ACOT7: variants seen among roughly 807,000 people sequenced by gnomAD.
The protein encoded by ACOT7 is cytosolic acyl coenzyme A thioester hydrolase.
ACOT7 carries 12 observed loss-of-function variants against 40.2 expected under a neutral mutation model. The observed-to-expected ratio is 0.30, with a 90% CI of 0.19 to 0.48. The LOEUF (loss-of-function observed/expected upper bound fraction) is 0.48, where lower values mean the gene tolerates loss of function less well. Ranked by LOEUF, ACOT7 falls within the 20% of genes least tolerant of loss-of-function variation. The pLI is 0.99. For missense variants in ACOT7, 395 were observed against 530.8 expected, an observed-to-expected ratio of 0.74 and a Z score of 2.51; for synonymous variants, 228 against 219.5, an observed-to-expected ratio of 1.04 and a Z score of -0.34.
intron 7 of ACOT7, among the ~76,000 whole-genome samples, chr1:6,290,418 G>A (rs1443716328): frequency 6.6e-6 from 1 of 152,148 alleles, no homozygotes; most frequent in Admixed American, 6.5e-5. Context: ...CCTCCCAGGG[G>A]GACCAGTGGC....
At chr1:6,331,027 C>T (rs941433303) in intron 4 of ACOT7, among the ~76,000 whole-genome samples, 4 of 152,144 alleles carry the variant, frequency 2.6e-5, no homozygotes, top group Admixed American at 6.5e-5. Flanking sequence ...TGCAATTCTG[C>T]GGAGAACAGC....
intron 1 of ACOT7, among the ~76,000 whole-genome samples, chr1:6,362,087 G>A (rs1259363771): frequency 6.6e-6 from 1 of 152,174 alleles, no homozygotes; most frequent in Admixed American, 6.5e-5. Context: ...TACTTTTCTG[G>A]GGAAAAGACC....
chr1:6,328,297 G>C (rs1286071138), intron 4 of ACOT7, among the ~76,000 whole-genome samples: 1 of 152,152 alleles, frequency 6.6e-6, no homozygotes, highest in Non-Finnish European at 1.5e-5. Context: ...AGATGGAACT[G>C]TCCTCCCACG....
Position 6,385,753 on chromosome 1 carries a change from A to C in ACOT7, c.143+7504T>G. On this transcript the variant is annotated intron_variant, in intron 1 of 8. Transcript: ENST00000361521. The stretch of plus-strand genomic sequence containing the variant: ...CCTGTGTCTGCCTGGCCGGCTCAGC[A>C]GTGAGCCGGTGTGATCCCTCCCTGA... 2.0e-6 allele frequency: 3 copies of C among 1,502,594 alleles called. No individual in the cohort carries two copies. In the South Asian group the frequency reaches 3.9e-5, roughly 20 times the overall value. The allele number at this position is 1,502,594 out of a possible 1,614,324, so 93.1% of individuals were successfully genotyped here. A position where few individuals can be genotyped will look rare whatever the true frequency, so the allele number is the denominator to read the frequency against.
At chr1:6,333,963 T>C (rs1400074958) in intron 3 of ACOT7, among the ~76,000 whole-genome samples, 1 of 152,150 alleles carries the variant, frequency 6.6e-6, no homozygotes, top group Non-Finnish European at 1.5e-5. Context: ...ACCACGTGGT[T>C]TAAGCCTGGA....
At chr1:6,267,747 T>C (rs1442521786) in intron 8 of ACOT7, among the ~76,000 whole-genome samples, 2 of 152,224 alleles carry the variant, frequency 1.3e-5, no homozygotes. Flanking sequence ...AGGCAGAGGC[T>C]TGCCCACCTT....
intron 8 of ACOT7, among the ~76,000 whole-genome samples, chr1:6,268,608 T>C (rs1308836066): frequency 6.6e-6 from 1 of 152,178 alleles, no homozygotes; most frequent in East Asian, 1.9e-4. Flanking sequence ...CGCTAAGAGC[T>C]AACTCAGGAC....
chr1:6,281,741 G>A (rs984001904), intron 7 of ACOT7, among the ~76,000 whole-genome samples: 1 of 152,180 alleles, frequency 6.6e-6, no homozygotes, highest in Non-Finnish European at 1.5e-5. Context: ...CGGAGCCACA[G>A]CTGCCCCACT....
At chr1:6,383,107 G>T (rs1315284557) in intron 1 of ACOT7, among the ~76,000 whole-genome samples, 1 of 151,400 alleles carries the variant, frequency 6.6e-6, no homozygotes, top group African/African-American at 2.4e-5. Flanking sequence ...TCCAACTCCT[G>T]ACCTCAGGTG....
In ACOT7 at chr1:6,358,018, C is replaced by T. The variant is rs1641795658; in HGVS notation, c.144-8152G>A. Among the ~76,000 whole-genome samples, 1 of 152,052 alleles carries T rather than the reference C, an allele frequency of 6.6e-6. No homozygotes were observed. The highest frequency in any genetic ancestry group is 1.5e-5 in the Non-Finnish European group (1 of 68,028). On this transcript the variant is annotated intron_variant, in intron 1 of 8. Transcript: ENST00000361521. The surrounding 1 kb of genome is among the most constrained non-coding windows in gnomAD (Gnocchi z 4.1). Reference sequence around the variant, plus strand: ...AGTAGCTGGGATTACAGGTGCGTGCCACCATGCCTGGCTAATTTTTGTATT... The same window carrying T: ...AGTAGCTGGGATTACAGGTGCGTGCTACCATGCCTGGCTAATTTTTGTATT...
At chr1:6,360,669 C>T (rs1411029989) in intron 1 of ACOT7, 2 of 1,614,106 alleles carry the variant, frequency 1.2e-6, no homozygotes, top group Admixed American at 1.7e-5. Flanking sequence ...CCCACGTCTC[C>T]TGTCGGCTCC....
chr1:6,322,728 T>C (rs1199028561), intron 5 of ACOT7, among the ~76,000 whole-genome samples: 7 of 152,382 alleles, frequency 4.6e-5, no homozygotes, highest in Non-Finnish European at 2.9e-5. Flanking sequence ...TTAAAGACTC[T>C]TTCTTTACAT....
chr1:6,381,576 C>T (rs1222279169), intron 1 of ACOT7, among the ~76,000 whole-genome samples: 3 of 151,782 alleles, frequency 2.0e-5, no homozygotes, highest in Admixed American at 1.3e-4. Context: ...CCCATGTACA[C>T]TGTCGGTGGA....
chr1:6,378,129 C>T (rs1378645797), intron 1 of ACOT7, among the ~76,000 whole-genome samples: 2 of 151,888 alleles, frequency 1.3e-5, no homozygotes, highest in African/African-American at 2.4e-5. Context: ...AGCATCCACT[C>T]GCTACAATGC....
rs556791578 is a variant in ACOT7, at chr1:6,377,360, A to G, written c.143+15897T>C. Reference sequence around the variant, plus strand: ...AGACCAGCCTGGACAACATAGCGAGACTCCATCTCTATTTAAATAATAAAA... The same window carrying G: ...AGACCAGCCTGGACAACATAGCGAGGCTCCATCTCTATTTAAATAATAAAA... On this transcript the variant is annotated intron_variant, in intron 1 of 8. Coordinates refer to ENST00000361521, the MANE Select transcript of ACOT7 (RefSeq NM_007274.4). Among the ~76,000 whole-genome samples the G allele has an allele frequency of 3.3e-5, 5 of 152,240 alleles. No homozygotes were observed. The East Asian group carries it at 9.6e-4, about 29-fold the overall frequency.
At chr1:6,361,271 A>G (rs906795488) in intron 1 of ACOT7, among the ~76,000 whole-genome samples, 1 of 152,178 alleles carries the variant, frequency 6.6e-6, no homozygotes. Flanking sequence ...TTAAATGTCC[A>G]CAACAGGCAG....
At chr1:6,283,850 C>T (rs1291795873) in intron 7 of ACOT7, among the ~76,000 whole-genome samples, 1 of 152,228 alleles carries the variant, frequency 6.6e-6, no homozygotes, top group Non-Finnish European at 1.5e-5. Flanking sequence ...GGAAACCTAA[C>T]TGGATATAGT....
At chr1:6,323,737 AATATATATAT>A (rs57302929) in intron 5 of ACOT7, among the ~76,000 whole-genome samples, 1,545 of 38,294 alleles carry the variant, frequency 0.04, 77 homozygotes, top group African/African-American at 0.12. Flanking sequence ...AAAAAAAAAA[AATATATATAT>A]ATATATATAT....
intron 1 of ACOT7, among the ~76,000 whole-genome samples, chr1:6,362,080 T>C (rs1311167155): frequency 6.6e-6 from 1 of 152,214 alleles, no homozygotes; most frequent in Non-Finnish European, 1.5e-5. Context: ...TGGTTTCTAC[T>C]TTTCTGGGGA....
Sources: allele counts gnomAD v4.1 joint callset (sites outside exome capture counted in the v4.1 genomes callset), GRCh38; gene constraint gnomAD v4.1.1; non-coding constraint Gnocchi (gnomAD v3.1); transcripts MANE v1.5; gene names NCBI Gene and HGNC (gene_info 2026-07-23, HGNC 2026-07-21).